Variants in PRKACB observed in about 807,000 individuals in gnomAD.
The protein encoded by PRKACB is cAMP-dependent protein kinase catalytic subunit beta.
A neutral mutation model predicts 51.4 loss-of-function variants in PRKACB; 16 were observed. That is an observed-to-expected ratio of 0.31 (90% CI 0.21 to 0.47). PRKACB has a LOEUF of 0.47. Ranked by LOEUF, PRKACB falls within the 20% of genes least tolerant of loss-of-function variation. The pLI, the probability that PRKACB is intolerant of heterozygous loss-of-function variation, is 1.00. For missense variants in PRKACB, 309 were observed against 464.5 expected (o/e 0.67, Z 3.08); for synonymous variants, 147 against 154.4 (o/e 0.95, Z 0.35).
At chr1:84,234,406 G>C (rs1676345106) in intron 9 of PRKACB, among the ~76,000 whole-genome samples, 1 of 152,224 alleles carries the variant, frequency 6.6e-6, no homozygotes, top group Admixed American at 6.5e-5. Context: ...AGCTTACAGA[G>C]GCAGGCAGGC....
At chr1:84,144,908 G>A (rs1653835077) in intron 1 of PRKACB, among the ~76,000 whole-genome samples, 1 of 151,850 alleles carries the variant, frequency 6.6e-6, no homozygotes. Context: ...GTATTTATAA[G>A]CTTTAAACTT....
intron 1 of PRKACB, among the ~76,000 whole-genome samples, chr1:84,080,038 A>G (rs1647402364): frequency 6.6e-6 from 1 of 152,204 alleles, no homozygotes; most frequent in Non-Finnish European, 1.5e-5. Flanking sequence ...CAAAAAGTAT[A>G]AAGAATTATT....
intron 1 of PRKACB, among the ~76,000 whole-genome samples, chr1:84,109,841 T>C (rs1304130388): frequency 6.6e-6 from 1 of 151,980 alleles, no homozygotes; most frequent in Non-Finnish European, 1.5e-5. Flanking sequence ...TCTATTGAAG[T>C]ATATGTGAAT....
chr1:84,081,729 T>C lies in PRKACB; in HGVS notation c.46+3358T>C, dbSNP rs184826839. 2.6e-5 allele frequency among the ~76,000 whole-genome samples: 4 copies of C among 152,230 alleles called. No homozygotes were observed. The South Asian group carries it at 8.3e-4, about 32-fold the overall frequency. ...GGAGGGGTTTTTATTTATTTCATTT[T>C]AAAAAAATACTATACCTCCAGGTTG... is the stretch of plus-strand genomic sequence containing the variant. On this transcript the variant is annotated intron_variant, in intron 1 of 8. Transcript: ENST00000370688.
intron 8 of PRKACB, chr1:84,204,991 A>T (rs1671108855): frequency 2.0e-6 from 2 of 983,490 alleles, no homozygotes; most frequent in Non-Finnish European, 2.4e-6. Flanking sequence ...CTAAAATCAT[A>T]ACAGTCTAAA....
chr1:84,128,334 A>G (rs930509941), intron 1 of PRKACB, among the ~76,000 whole-genome samples: 1 of 152,132 alleles, frequency 6.6e-6, no homozygotes, highest in Non-Finnish European at 1.5e-5. Flanking sequence ...GACAGCTTTC[A>G]TGTTGAAGAA....
chr1:84,089,777 G>C (rs892948967), intron 1 of PRKACB, among the ~76,000 whole-genome samples: 1 of 152,100 alleles, frequency 6.6e-6, no homozygotes, highest in African/African-American at 2.4e-5. Flanking sequence ...AATCACCAAT[G>C]TGTGTGATTC....
chr1:84,121,270 C>G (rs1352399414), intron 1 of PRKACB, among the ~76,000 whole-genome samples: 2 of 151,614 alleles, frequency 1.3e-5, no homozygotes, highest in East Asian at 3.9e-4. Context: ...TATGTCTCCT[C>G]TTTATAATCT....
At chr1:84,198,376 C>T (rs902146738) in intron 7 of PRKACB, among the ~76,000 whole-genome samples, 5 of 152,060 alleles carry the variant, frequency 3.3e-5, no homozygotes, top group Admixed American at 6.6e-5. Context: ...TTAACTTTTC[C>T]TCTGCCATCA....
chr1:84,190,049 C>T (rs59080912), intron 5 of PRKACB, among the ~76,000 whole-genome samples: 1,901 of 151,852 alleles, frequency 0.013, 53 homozygotes, highest in African/African-American at 0.044. Context: ...CTTCTTCCTC[C>T]GTTTTTGGAA....
chr1:84,188,650 A>C (rs1414973680), intron 5 of PRKACB, among the ~76,000 whole-genome samples: 2 of 151,974 alleles, frequency 1.3e-5, no homozygotes, highest in African/African-American at 4.8e-5. Flanking sequence ...CATAAATGCA[A>C]CTAAAAGATC....
At chr1:84,197,032 T>A (rs1668419978) in intron 6 of PRKACB, among the ~76,000 whole-genome samples, 2 of 152,180 alleles carry the variant, frequency 1.3e-5, no homozygotes, top group Non-Finnish European at 2.9e-5. Context: ...ATTCCACTTG[T>A]TTTACATGTA....
At chr1:84,229,065 A>G (rs1001951644) in intron 9 of PRKACB, among the ~76,000 whole-genome samples, 15 of 137,742 alleles carry the variant, frequency 1.1e-4, no homozygotes, top group Non-Finnish European at 1.7e-4. Flanking sequence ...ATATCTCCCA[A>G]TGCTATCCCT....
intron 1 of PRKACB, chr1:84,173,438 G>C: frequency 8.5e-7 from 1 of 1,177,084 alleles, no homozygotes. Context: ...GTGGCAATTA[G>C]AATATTTTGT....
chr1:84,086,294 C>T, intron 1 of PRKACB: 1 of 1,061,980 alleles, frequency 9.4e-7, no homozygotes, highest in South Asian at 1.4e-5. Flanking sequence ...CTTGGCCCTT[C>T]CTGCTGCCTC....
At chr1:84,166,256 C>G (rs1558069028) in intron 1 of PRKACB, among the ~76,000 whole-genome samples, 1 of 151,598 alleles carries the variant, frequency 6.6e-6, no homozygotes, top group Admixed American at 6.6e-5. Flanking sequence ...ACTTAACATT[C>G]CTTAGGATTT....
At chr1:84,221,954 G>A (rs1673794378) in intron 9 of PRKACB, among the ~76,000 whole-genome samples, 1 of 152,084 alleles carries the variant, frequency 6.6e-6, no homozygotes, top group Non-Finnish European at 1.5e-5. Context: ...TTTGTCTACA[G>A]TGCAGTTTAT....
intron 9 of PRKACB, among the ~76,000 whole-genome samples, chr1:84,227,799 C>T (rs560114241): frequency 2.6e-5 from 4 of 152,284 alleles, no homozygotes; most frequent in African/African-American, 9.6e-5. Context: ...GTACTTTAAC[C>T]ATTTGTTTTA....
At chr1:84,215,601 T>C (rs1300530168) in intron 9 of PRKACB, among the ~76,000 whole-genome samples, 1 of 152,180 alleles carries the variant, frequency 6.6e-6, no homozygotes, top group African/African-American at 2.4e-5. Context: ...CATAATAAAA[T>C]AGAGAAGAAA....
Sources: gnomAD v4.1 joint callset for allele counts (sites outside exome capture counted in the v4.1 genomes callset) on GRCh38, gnomAD v4.1.1 for gene constraint, MANE v1.5 for transcripts, NCBI Gene and HGNC (gene_info 2026-07-23, HGNC 2026-07-21) for gene names.